The following ZBTB16 variants were observed in gnomAD, a reference collection of about 807,000 sequenced individuals.
The protein encoded by ZBTB16 is zinc finger and BTB domain containing 16.
A neutral mutation model predicts 56.8 loss-of-function variants in ZBTB16; 8 were observed. That is an observed-to-expected ratio of 0.14 (90% CI 0.08 to 0.25). ZBTB16 has a LOEUF of 0.25. Ranked by LOEUF, ZBTB16 falls within the 10% of genes least tolerant of loss-of-function variation. The pLI is 1.00. For synonymous variants in ZBTB16, 363 were observed against 368.5 expected (o/e 0.98, Z 0.17); for missense variants, 625 against 903.0 (o/e 0.69, Z 3.95).
At chr11:114,084,543 T>C (rs570682294) in intron 2 of ZBTB16, among the ~76,000 whole-genome samples, 2 of 152,018 alleles carry the variant, frequency 1.3e-5, no homozygotes, top group South Asian at 4.2e-4. Flanking sequence ...AATGTAGAGA[T>C]CTGTGGCCAG....
At chr11:114,075,455 G>T (rs1939517364) in intron 2 of ZBTB16, among the ~76,000 whole-genome samples, 1 of 151,096 alleles carries the variant, frequency 6.6e-6, no homozygotes, top group East Asian at 1.9e-4. Context: ...AAAATTAAGG[G>T]TTTTTTTTCT....
At chr11:114,126,313 C>A (rs1438569914) in intron 2 of ZBTB16, among the ~76,000 whole-genome samples, 1 of 152,178 alleles carries the variant, frequency 6.6e-6, no homozygotes, top group Non-Finnish European at 1.5e-5. Context: ...AAATAGGAAC[C>A]TTAATAACTC....
intron 4 of ZBTB16, among the ~76,000 whole-genome samples, chr11:114,216,578 G>A (rs925130246): frequency 6.6e-6 from 1 of 152,182 alleles, no homozygotes; most frequent in African/African-American, 2.4e-5. Flanking sequence ...GGAACATTCT[G>A]GCAAGACAGT....
intron 2 of ZBTB16, among the ~76,000 whole-genome samples, chr11:114,115,341 CTTTTTTTTT>C (rs35873921): frequency 2.4e-5 from 3 of 127,542 alleles, no homozygotes; most frequent in Admixed American, 8.0e-5. Context: ...CTCCTTCCTC[CTTTTTTTTT>C]TTTTTTTTTT....
intron 2 of ZBTB16, among the ~76,000 whole-genome samples, chr11:114,153,135 C>G (rs941498337): frequency 6.6e-6 from 1 of 152,222 alleles, no homozygotes; most frequent in Non-Finnish European, 1.5e-5. Flanking sequence ...CTCAAATGCA[C>G]TGAAATCCTC....
chr11:114,134,080 A>G lies in ZBTB16; in HGVS notation c.1269-22257A>G, dbSNP rs149359805. On this transcript the variant is annotated intron_variant, in intron 2 of 6. Transcript: ENST00000335953. ...TTGTGTCTCAACACTGGATCGTGAC[A>G]GTTTTTCTTAGCATGGGCAGGGCTG... Among the ~76,000 whole-genome samples, 829 of 152,270 alleles carry G rather than the reference A, an allele frequency of 5.4e-3. 3 individuals carry two copies. Among genetic ancestry groups the G allele is most frequent in the African/African-American group, 0.018 (747 of 41,558 alleles).
intron 4 of ZBTB16, among the ~76,000 whole-genome samples, chr11:114,199,696 T>G (rs1943690785): frequency 6.6e-6 from 1 of 152,122 alleles, no homozygotes; most frequent in Non-Finnish European, 1.5e-5. Context: ...AAAAGTACTG[T>G]TTGGGGGGTT....
At position 114,256,014 on chromosome 11, in the gene ZBTB16, T is replaced by G. The variant is rs1945001682; in HGVS notation, c.*5459T>G. Among the ~76,000 whole-genome samples the G allele has an allele frequency of 1.4e-5, 1 of 72,860 alleles. No homozygotes were observed. Among genetic ancestry groups the G allele is most frequent in the Admixed American group, 1.5e-4 (1 of 6,460 alleles). 47.8% of individuals were successfully genotyped at this position (72,860 alleles called of 152,430 possible). A position where few individuals can be genotyped will look rare whatever the true frequency, so the allele number is the denominator to read the frequency against. On this transcript the variant is annotated 3_prime_UTR_variant, in exon 7 of 7. Coordinates refer to ENST00000335953, the MANE Select transcript of ZBTB16 (RefSeq NM_006006.6). ...CCACCTTTTTATTGAAGTACTTGGTTTTGTTTTGTTTTTTTTTTTTGTTTT... is the reference window on the plus strand; with the variant it reads ...CCACCTTTTTATTGAAGTACTTGGTGTTGTTTTGTTTTTTTTTTTTGTTTT...
intron 4 of ZBTB16, among the ~76,000 whole-genome samples, chr11:114,233,089 A>G (rs1452176061): frequency 0.069 from 2,555 of 37,032 alleles, 78 homozygotes; most frequent in Admixed American, 0.081. Context: ...GCGCACACAC[A>G]CACACACACA....
At chr11:114,186,842 C>T (rs533775948) in intron 3 of ZBTB16, 110 bp from the exon 4 acceptor site, 270 of 1,005,756 alleles carry the variant, frequency 2.7e-4, no homozygotes, top group African/African-American at 2.5e-3. Context: ...AGGATTTTTG[C>T]GGGTGTCCAG....
intron 2 of ZBTB16, among the ~76,000 whole-genome samples, chr11:114,066,535 C>T (rs981762478): frequency 1.3e-5 from 2 of 152,136 alleles, no homozygotes; most frequent in African/African-American, 2.4e-5. Flanking sequence ...GTTTTTCTGG[C>T]TCTCATCAGG....
chr11:114,114,049 T>C (rs1023282202), intron 2 of ZBTB16, among the ~76,000 whole-genome samples: 1 of 152,248 alleles, frequency 6.6e-6, no homozygotes, highest in African/African-American at 2.4e-5. Flanking sequence ...CATGGCTGTC[T>C]TAGAACCTTC....
chr11:114,162,792 G>A (rs1320848599), intron 3 of ZBTB16, among the ~76,000 whole-genome samples: 2 of 152,114 alleles, frequency 1.3e-5, no homozygotes, highest in East Asian at 1.9e-4. Context: ...CCCTCCCTTC[G>A]GTCCGCATGG....
At chr11:114,110,415 G>A (rs763583208) in intron 2 of ZBTB16, among the ~76,000 whole-genome samples, 2 of 152,176 alleles carry the variant, frequency 1.3e-5, no homozygotes, top group Non-Finnish European at 2.9e-5. Context: ...GGAAAGCCAC[G>A]GCCAAGCCTT....
chr11:114,105,567 G>A (rs1008063983), intron 2 of ZBTB16, among the ~76,000 whole-genome samples: 1 of 152,140 alleles, frequency 6.6e-6, no homozygotes, highest in Non-Finnish European at 1.5e-5. Context: ...ATGCTGAGTG[G>A]GGCTGCTTTT....
rs577435232 is a variant in ZBTB16, at chr11:114,125,390, T to C, written c.1269-30947T>C. ...ATCTATGTAACCGTAGAGCAGCCTT[T>C]TGAGGTAGGAGACAGGTGGTATTAT... On this transcript the variant is annotated intron_variant, in intron 2 of 6. Transcript: ENST00000335953. Among the ~76,000 whole-genome samples, 4 of 152,256 alleles carry C rather than the reference T, an allele frequency of 2.6e-5. 1 individual carries two copies. The South Asian group carries it at 8.3e-4, about 32-fold the overall frequency.
chr11:114,100,070 C>T (rs1416328060), intron 2 of ZBTB16, among the ~76,000 whole-genome samples: 2 of 152,218 alleles, frequency 1.3e-5, no homozygotes, highest in East Asian at 3.9e-4. Context: ...TGAGTTGGTG[C>T]CCTGCACTGG....
chr11:114,190,422 GT>G (rs1222886836), intron 4 of ZBTB16, among the ~76,000 whole-genome samples: 3 of 152,122 alleles, frequency 2.0e-5, no homozygotes, highest in Admixed American at 2.0e-4. Context: ...TTAGCCAACA[GT>G]TGGGTAAAAT....
At chr11:114,186,005 C>T (rs1382283362) in intron 3 of ZBTB16, among the ~76,000 whole-genome samples, 1 of 152,118 alleles carries the variant, frequency 6.6e-6, no homozygotes, top group African/African-American at 2.4e-5. Context: ...CGACACAGTC[C>T]CTCCTCCAGG....
Sources: gnomAD v4.1 joint callset for allele counts (sites outside exome capture counted in the v4.1 genomes callset) on GRCh38, gnomAD v4.1.1 for gene constraint, MANE v1.5 for transcripts, NCBI Gene and HGNC (gene_info 2026-07-23, HGNC 2026-07-21) for gene names.